MYO18B: variants seen among roughly 807,000 people sequenced by gnomAD.
The protein encoded by MYO18B is unconventional myosin-XVIIIb.
MYO18B carries 204 observed loss-of-function variants against 273.0 expected under a neutral mutation model. The observed-to-expected ratio is 0.75, with a 90% CI of 0.67 to 0.84. MYO18B has a LOEUF of 0.84. Ranked by LOEUF, MYO18B falls within the 40% of genes least tolerant of loss-of-function variation. MYO18B has a pLI of 0.00. For missense variants in MYO18B, 3,212 were observed against 3,287.6 expected (o/e 0.98, Z 0.56); for synonymous variants, 1,330 against 1,305.7 (o/e 1.02, Z -0.40).
At chr22:25,981,375 T>C (rs2093147007) in intron 39 of MYO18B, among the ~76,000 whole-genome samples, 2 of 152,206 alleles carry the variant, frequency 1.3e-5, no homozygotes, top group African/African-American at 4.8e-5. Flanking sequence ...TTCTCAGTGA[T>C]CTGTGTCTCT....
chr22:25,978,198 A>T (rs1229739518), intron 39 of MYO18B, among the ~76,000 whole-genome samples: 1 of 152,236 alleles, frequency 6.6e-6, no homozygotes, highest in Non-Finnish European at 1.5e-5. Flanking sequence ...GCTTGTACAA[A>T]TGCTGGGAGC....
At chr22:25,925,550 AT>A (rs2092407692) in intron 34 of MYO18B, among the ~76,000 whole-genome samples, 1 of 152,140 alleles carries the variant, frequency 6.6e-6, no homozygotes, top group Non-Finnish European at 1.5e-5. Context: ...GCGAAGCATC[AT>A]CATCATCATC....
intron 25 of MYO18B, among the ~76,000 whole-genome samples, chr22:25,885,792 C>G (rs1163795279): frequency 6.6e-6 from 1 of 152,152 alleles, no homozygotes; most frequent in South Asian, 2.1e-4. Flanking sequence ...TTGAAACCCC[C>G]TTATAAAGCC....
At chr22:25,766,351 T>C (rs2086506396) in intron 3 of MYO18B, among the ~76,000 whole-genome samples, 1 of 152,112 alleles carries the variant, frequency 6.6e-6, no homozygotes, top group Non-Finnish European at 1.5e-5. Context: ...AAGGAAGATA[T>C]AAATGATAGA....
In MYO18B at chr22:25,835,359, G is replaced by C. The variant is rs930514081; in HGVS notation, c.3124G>C (p.Glu1042Gln). The C allele has an allele frequency of 6.2e-7, 1 of 1,614,002 alleles. No individual in the cohort carries two copies. Among genetic ancestry groups the C allele is most frequent in the Admixed American group, 1.7e-5 (1 of 60,032 alleles). Residue 1042 changes from glutamate to glutamine, a missense_variant, in exon 17 of 44, where the codon GAA becomes CAA. Transcript: ENST00000335473. ...ARGLFWVLDE[E>Q]VHVEGSSDSV... ...AGGCCTTTTCTGGGTCTTAGATGAG[G>C]AAGTCCATGTAGAGGGCTCCAGTGA...
chr22:25,796,689 G>A (rs550243891), intron 11 of MYO18B, among the ~76,000 whole-genome samples: 1 of 152,262 alleles, frequency 6.6e-6, no homozygotes, highest in East Asian at 1.9e-4. Flanking sequence ...CTCAGTTGGT[G>A]GTGGCTACAA....
At chr22:26,034,117 T>C (rs1338591411), downstream of MYO18B, among the ~76,000 whole-genome samples, 2 of 152,182 alleles carry the variant, frequency 1.3e-5, no homozygotes, top group African/African-American at 4.8e-5. Flanking sequence ...CATGCTTGGC[T>C]AATTTTTGTA....
the MYO18B span, among the ~76,000 whole-genome samples, chr22:26,049,088 G>GAA: frequency 1.9e-4 from 29 of 150,782 alleles, no homozygotes; most frequent in African/African-American, 5.4e-4. Flanking sequence ...TCTAAAATCT[G>GAA]AAAAAAAAAG....
intron 34 of MYO18B, among the ~76,000 whole-genome samples, chr22:25,938,805 A>C (rs1478270021): frequency 1.3e-5 from 2 of 152,180 alleles, no homozygotes; most frequent in African/African-American, 4.8e-5. Context: ...GTAGATTAGC[A>C]TCAATTAACA....
intron 39 of MYO18B, among the ~76,000 whole-genome samples, chr22:25,987,987 A>G (rs2146824132): frequency 6.6e-6 from 1 of 152,158 alleles, no homozygotes; most frequent in African/African-American, 2.4e-5. Flanking sequence ...CTCTAAAGAG[A>G]GCTAATAACA....
At chr22:26,038,278 T>G in the MYO18B span, among the ~76,000 whole-genome samples, 1 of 152,204 alleles carries the variant, frequency 6.6e-6, no homozygotes, top group Non-Finnish European at 1.5e-5. Flanking sequence ...TTTCTTTCTC[T>G]GCAATCCTGA....
At chr22:25,933,026 T>G (rs2092529540) in intron 34 of MYO18B, among the ~76,000 whole-genome samples, 1 of 152,188 alleles carries the variant, frequency 6.6e-6, no homozygotes, top group African/African-American at 2.4e-5. Flanking sequence ...AGGATCCAAC[T>G]TGGAAAGTAA....
chr22:25,878,200 A>G (rs974402265), intron 25 of MYO18B, among the ~76,000 whole-genome samples, 152 bp downstream of exon 25: 1 of 152,106 alleles, frequency 6.6e-6, no homozygotes, highest in African/African-American at 2.4e-5. Context: ...TATTGAACCC[A>G]TTTTACAGTG....
At chr22:25,909,412 T>G (rs1358902879) in intron 32 of MYO18B, among the ~76,000 whole-genome samples, 5 of 152,228 alleles carry the variant, frequency 3.3e-5, no homozygotes, top group Non-Finnish European at 5.9e-5. Context: ...AAAACAGATA[T>G]AAAGAGAGCG....
intron 32 of MYO18B, among the ~76,000 whole-genome samples, chr22:25,910,029 T>G (rs973486542): frequency 1.3e-5 from 2 of 152,250 alleles, no homozygotes; most frequent in Non-Finnish European, 2.9e-5. Flanking sequence ...GTGGGGGTGG[T>G]CTGCAAAGCA....
At chr22:25,956,269 G>A (rs559714071) in intron 39 of MYO18B, among the ~76,000 whole-genome samples, 1 of 150,990 alleles carries the variant, frequency 6.6e-6, no homozygotes, top group South Asian at 2.1e-4. Context: ...AGGCTGGGGT[G>A]CAGTGGCACG....
rs1288517172 is a variant in MYO18B at position 26,027,399 on chromosome 22, T to C, written c.7425T>C (p.Phe2475=). ...GTTCACAGCGTTCAAGCATCCACTT[T>C]GAAACGGAAGAGGCTAACCGTTCCT... ...QDGSQRSSIH[F]ETEEANRSFL... The change falls in exon 43 of 44, where the codon TTT becomes TTC. Residue 2475 remains phenylalanine, a synonymous_variant. Transcript: ENST00000335473. The surrounding 1 kb of genome is among the most constrained non-coding windows in gnomAD (Gnocchi z 4.1). 1.2e-6 allele frequency: 2 copies of C among 1,613,778 alleles called. No homozygotes were observed. Among genetic ancestry groups the C allele is most frequent in the Non-Finnish European group, 1.7e-6 (2 of 1,179,872 alleles).
At chr22:26,050,492 AAT>A in the MYO18B span, among the ~76,000 whole-genome samples, 1 of 152,126 alleles carries the variant, frequency 6.6e-6, no homozygotes, top group Admixed American at 6.5e-5. Context: ...TAGGGAAGAG[AAT>A]AACAAAACTA....
At chr22:25,778,495 A>G (rs1041211604) in intron 8 of MYO18B, among the ~76,000 whole-genome samples, 4 of 151,946 alleles carry the variant, frequency 2.6e-5, no homozygotes, top group Admixed American at 1.3e-4. Context: ...TATTATTATT[A>G]TTGAGACGGG....
Sources: gnomAD v4.1 joint callset for allele counts (sites outside exome capture counted in the v4.1 genomes callset) on GRCh38, gnomAD v4.1.1 for gene constraint, Gnocchi (gnomAD v3.1) non-coding constraint, MANE v1.5 for transcripts, NCBI Gene and HGNC (gene_info 2026-07-23, HGNC 2026-07-21) for gene names.